Variants in DLG2 observed in about 807,000 individuals in gnomAD.
The protein encoded by DLG2 is discs large MAGUK scaffold protein 2.
In DLG2, 45 loss-of-function variants were observed where a neutral mutation model predicts 132.5. The observed-to-expected ratio is 0.34, with a 90% CI of 0.27 to 0.44. DLG2 has a LOEUF of 0.44. Among genes scored for constraint, DLG2 ranks in the 20% least tolerant of loss-of-function variants. The pLI is 1.00. For synonymous variants in DLG2, 424 were observed against 419.6 expected (o/e 1.01, Z -0.13); for missense variants, 1,045 against 1,196.9 (o/e 0.87, Z 1.87).
intron 6 of DLG2, among the ~76,000 whole-genome samples, chr11:85,035,966 G>A (rs2154146847): frequency 6.6e-6 from 1 of 152,228 alleles, no homozygotes; most frequent in South Asian, 2.1e-4. Flanking sequence ...TCTTGCTTTT[G>A]TTGAGAATAA....
At chr11:85,272,562 T>G (rs913123227) in intron 4 of DLG2, among the ~76,000 whole-genome samples, 7 of 152,132 alleles carry the variant, frequency 4.6e-5, no homozygotes, top group Non-Finnish European at 1.0e-4. Flanking sequence ...ATTAACAGTC[T>G]GCTTTACTTA....
chr11:83,961,249 C>G (rs1363716170), intron 14 of DLG2, among the ~76,000 whole-genome samples: 1 of 152,012 alleles, frequency 6.6e-6, no homozygotes. Flanking sequence ...GGTTAAATGA[C>G]TTGCCCAGGG....
rs924364216 is a variant in DLG2, at chr11:84,840,005, TAG to T, written c.357+271654_357+271655del. Among the ~76,000 whole-genome samples the T allele has an allele frequency of 1.1e-4, 16 of 152,224 alleles. No homozygotes were observed. The East Asian group carries it at 2.7e-3, about 26-fold the overall frequency. On this transcript the variant is annotated intron_variant, in intron 6 of 27. Coordinates refer to ENST00000376104, the MANE Select transcript of DLG2 (RefSeq NM_001142699.3). ...ATTGACAGATGAGATCCAATTAAAC[TAG>T]AGAGCTTCTGTACATCAAAAGAAAC...
At chr11:85,298,632 C>T (rs1288514973) in intron 3 of DLG2, among the ~76,000 whole-genome samples, 1 of 152,118 alleles carries the variant, frequency 6.6e-6, no homozygotes, top group Non-Finnish European at 1.5e-5. Flanking sequence ...TAAAGCACAT[C>T]TAACTGGGAC....
intron 7 of DLG2, among the ~76,000 whole-genome samples, chr11:84,366,757 G>C (rs1274720854): frequency 6.6e-6 from 1 of 152,112 alleles, no homozygotes; most frequent in African/African-American, 2.4e-5. Flanking sequence ...AACAAGAAGA[G>C]CTAACTATCC....
intron 22 of DLG2, among the ~76,000 whole-genome samples, chr11:83,481,585 T>C (rs1027968875): frequency 4.6e-5 from 7 of 152,146 alleles, no homozygotes; most frequent in African/African-American, 1.7e-4. Context: ...AACCAAAGCA[T>C]GGGTTAAATT....
intron 24 of DLG2, among the ~76,000 whole-genome samples, chr11:83,470,896 C>T (rs148908461): frequency 8.0e-4 from 122 of 152,154 alleles, no homozygotes; most frequent in African/African-American, 2.7e-3. Context: ...ATTAAAATTT[C>T]CTGATGGACC....
At chr11:84,788,100 C>CAAAAAAA (rs139086655) in intron 6 of DLG2, among the ~76,000 whole-genome samples, 24 of 45,650 alleles carry the variant, frequency 5.3e-4, no homozygotes, top group African/African-American at 9.4e-4. Flanking sequence ...GAATATGTCT[C>CAAAAAAA]AAAAAAAAAA....
At position 85,612,330 on chromosome 11, in the gene DLG2, C is replaced by G. The variant is rs78051308; in HGVS notation, c.-92-13542G>C. ...ACTAATTATCATACGAAGGTCTGAC[C>G]AGACCTAGGAGGAACTCCCTTCAGG... is the stretch of plus-strand genomic sequence containing the variant. On this transcript the variant is annotated intron_variant, in intron 2 of 27. Coordinates refer to ENST00000376104, the MANE Select transcript of DLG2 (RefSeq NM_001142699.3). 9.2e-3 allele frequency among the ~76,000 whole-genome samples: 1,395 copies of G among 152,314 alleles called. 19 individuals are homozygous for G. Among genetic ancestry groups the G allele is most frequent in the African/African-American group, 0.03 (1,240 of 41,564 alleles).
chr11:83,783,678 G>A (rs1417909511), intron 18 of DLG2, among the ~76,000 whole-genome samples: 2 of 152,176 alleles, frequency 1.3e-5, no homozygotes, highest in South Asian at 4.2e-4. Flanking sequence ...TAGGTATGGT[G>A]TCTGCATGCA....
intron 19 of DLG2, among the ~76,000 whole-genome samples, chr11:83,544,660 C>T (rs1203559224): frequency 1.3e-5 from 2 of 152,068 alleles, no homozygotes; most frequent in East Asian, 3.9e-4. Flanking sequence ...TACTTACGCC[C>T]TTATTAGGTG....
At chr11:85,151,050 C>G (rs1168026789) in intron 5 of DLG2, among the ~76,000 whole-genome samples, 2 of 152,146 alleles carry the variant, frequency 1.3e-5, no homozygotes, top group Non-Finnish European at 2.9e-5. Flanking sequence ...GTTATTTTGA[C>G]AGCAGGCATC....
At chr11:85,366,452 A>G (rs1037059194) in intron 3 of DLG2, among the ~76,000 whole-genome samples, 4 of 152,190 alleles carry the variant, frequency 2.6e-5, no homozygotes, top group Admixed American at 6.5e-5. Context: ...TTGTATGGGC[A>G]TTAGAAACAG....
At chr11:84,525,353 T>A (rs1167609625) in intron 7 of DLG2, among the ~76,000 whole-genome samples, 1 of 152,206 alleles carries the variant, frequency 6.6e-6, no homozygotes, top group Non-Finnish European at 1.5e-5. Context: ...GCTCTTCCTC[T>A]GGCATTCTTG....
At chr11:85,087,844 C>CAAAAAAAAAAAAAAAAAAA (rs71465019) in intron 6 of DLG2, among the ~76,000 whole-genome samples, 9 of 22,050 alleles carry the variant, frequency 4.1e-4, no homozygotes, top group Non-Finnish European at 7.9e-4. Flanking sequence ...GACTCCGTCT[C>CAAAAAAAAAAAAAAAAAAA]AAAAAAAAAA....
chr11:84,985,544 C>T (rs2056366190), intron 6 of DLG2, among the ~76,000 whole-genome samples: 2 of 151,946 alleles, frequency 1.3e-5, no homozygotes, highest in Admixed American at 1.3e-4. Flanking sequence ...CACAGACAGA[C>T]AATCTAAGGT....
intron 18 of DLG2, among the ~76,000 whole-genome samples, chr11:83,656,485 T>C (rs2072489356): frequency 6.6e-6 from 1 of 152,080 alleles, no homozygotes; most frequent in Admixed American, 6.5e-5. Context: ...CTCTGCCTAC[T>C]TTTCCTCCCC....
intron 6 of DLG2, among the ~76,000 whole-genome samples, chr11:84,908,885 C>T (rs1243563242): frequency 1.3e-5 from 2 of 151,322 alleles, no homozygotes; most frequent in South Asian, 2.1e-4. Context: ...TTTATATGAT[C>T]GACATTAGTA....
intron 6 of DLG2, among the ~76,000 whole-genome samples, chr11:85,100,776 C>A (rs763679881): frequency 2.6e-5 from 4 of 152,146 alleles, no homozygotes; most frequent in Non-Finnish European, 5.9e-5. Context: ...AGAGAAAAAT[C>A]TGCTACTCTG....
Sources: gnomAD v4.1 joint callset for allele counts (sites outside exome capture counted in the v4.1 genomes callset) on GRCh38, gnomAD v4.1.1 for gene constraint, MANE v1.5 for transcripts, NCBI Gene and HGNC (gene_info 2026-07-23, HGNC 2026-07-21) for gene names.